The following ESR1 variants were observed in gnomAD, a reference collection of about 807,000 sequenced individuals.
ESR1 encodes estrogen receptor 1.
Under a neutral mutation model 52.7 loss-of-function variants are expected in ESR1, and 12 were observed. The ratio of observed to expected loss-of-function variants is 0.23; its 90% confidence interval spans 0.15 to 0.37. The LOEUF is 0.37. ESR1 is among the 10% of genes least tolerant of loss of function. The pLI is 1.00. For synonymous variants in ESR1, 305 were observed against 316.8 expected (o/e 0.96, Z 0.39); for missense variants, 584 against 779.7 (o/e 0.75, Z 2.99).
chr6:151,729,839 G>C lies in ESR1; in HGVS notation c.-71+27834G>C, dbSNP rs575192411. On this transcript the variant is annotated intron_variant, in intron 2 of 2. Transcript: ENST00000404742. ...GCAGTGGCTCACATCTGTAATCCTA[G>C]CATTTTGGGAGGCCAAGGTGGGAGG... 1.1e-4 allele frequency among the ~76,000 whole-genome samples: 16 copies of C among 152,250 alleles called. 1 individual carries two copies. The highest frequency in any genetic ancestry group is 3.6e-4 in the African/African-American group (15 of 41,536).
chr6:151,846,573 C>G (rs989510283), intron 2 of ESR1, among the ~76,000 whole-genome samples: 1 of 152,174 alleles, frequency 6.6e-6, no homozygotes, highest in African/African-American at 2.4e-5. Flanking sequence ...AAGAAGAGAG[C>G]TAGAAATGAG....
chr6:151,823,928 A>G (rs998801489), intron 1 of ESR1, among the ~76,000 whole-genome samples: 23 of 152,328 alleles, frequency 1.5e-4, no homozygotes, highest in African/African-American at 4.6e-4. Context: ...GCCACAATAA[A>G]CATACATGTG....
chr6:151,835,466 C>T (rs1338682550), intron 1 of ESR1, among the ~76,000 whole-genome samples: 3 of 152,096 alleles, frequency 2.0e-5, no homozygotes, highest in Non-Finnish European at 4.4e-5. Flanking sequence ...GCAAAGGGAA[C>T]GGAAGTGGAG....
chr6:151,758,771 A>T (rs573078636), intron 2 of ESR1, among the ~76,000 whole-genome samples: 1 of 151,410 alleles, frequency 6.6e-6, no homozygotes, highest in South Asian at 2.1e-4. Context: ...TAAAAAAAAA[A>T]AAAAAAGAAG....
downstream of ESR1, among the ~76,000 whole-genome samples, chr6:152,106,906 C>T (rs938383517): frequency 3.9e-5 from 6 of 152,158 alleles, no homozygotes; most frequent in Non-Finnish European, 8.8e-5. Flanking sequence ...ATGCCCTGCC[C>T]AGCACTTTGT....
rs1263103409 is a variant in ESR1, at chr6:152,022,920, T to C, written c.1235+11126T>C. 2.0e-5 allele frequency among the ~76,000 whole-genome samples: 3 copies of C among 150,392 alleles called. No individual in the cohort carries two copies. In the East Asian group the frequency reaches 5.9e-4, roughly 29 times the overall value. ...TGAACCTGGGAGGCAGAGGTTGCAG[T>C]GAGCCAAGTTCTCACCATTGCACTC... On this transcript the variant is annotated intron_variant, in intron 5 of 7. Transcript: ENST00000206249.
chr6:152,129,281 T>TCCCCCTTCTCGTCACTATC (rs1196613753), exon 7 of ESR1: 4 of 152,146 alleles, frequency 2.6e-5, no homozygotes, highest in African/African-American at 4.8e-5. Flanking sequence ...ATAAGCGCTT[T>TCCCCCTTCTCGTCACTATC]CCCCCTTCTC....
In ESR1 at chr6:152,103,052, G is replaced by A. The variant is rs1331553997; in HGVS notation, c.*4086G>A. The A allele has an allele frequency of 4.7e-6, 1 of 212,100 alleles. No homozygotes were observed. The highest frequency in any genetic ancestry group is 9.4e-6 in the Non-Finnish European group (1 of 106,638). 13.1% of individuals were successfully genotyped at this position (212,100 alleles called of 1,614,324 possible). On this transcript the variant is annotated 3_prime_UTR_variant, in exon 8 of 8. Coordinates refer to ENST00000206249, the MANE Select transcript of ESR1 (RefSeq NM_000125.4). ...CTTCAGTGTAGAGCTCTTGTTTTAT[G>A]GGAAAAGGCTCAAATGCCAAATTGT...
chr6:151,724,978 C>T (rs1198141007), intron 2 of ESR1, among the ~76,000 whole-genome samples: 2 of 152,064 alleles, frequency 1.3e-5, no homozygotes, highest in Non-Finnish European at 2.9e-5. Context: ...GGTATTTTAT[C>T]CTGTATTGTC....
chr6:151,903,510 T>G (rs1053888490), intron 3 of ESR1, among the ~76,000 whole-genome samples: 9 of 150,718 alleles, frequency 6.0e-5, no homozygotes, highest in Non-Finnish European at 1.2e-4. Flanking sequence ...GTTCTGATCT[T>G]GGGCATGCCA....
At chr6:152,106,515 C>T (rs999868924), downstream of ESR1, among the ~76,000 whole-genome samples, 6 of 152,214 alleles carry the variant, frequency 3.9e-5, no homozygotes, top group South Asian at 2.1e-4. Context: ...TTTTGAAGCG[C>T]GGTTTGTAGT....
downstream of ESR1, among the ~76,000 whole-genome samples, chr6:152,108,051 TG>T (rs1231454041): frequency 6.6e-6 from 1 of 152,210 alleles, no homozygotes; most frequent in Non-Finnish European, 1.5e-5. Context: ...CTCAATTTTT[TG>T]CTGGGCCCCT....
intron 3 of ESR1, among the ~76,000 whole-genome samples, chr6:151,897,777 C>T (rs1584038949): frequency 6.6e-6 from 1 of 152,050 alleles, no homozygotes; most frequent in East Asian, 1.9e-4. Flanking sequence ...TTGTTTTATA[C>T]CTCCAATGAG....
intron 7 of ESR1, among the ~76,000 whole-genome samples, chr6:152,097,747 TC>T (rs1297593851): frequency 6.6e-6 from 1 of 151,862 alleles, no homozygotes; most frequent in Non-Finnish European, 1.5e-5. Flanking sequence ...GCTGCCCATT[TC>T]CCCCCTTGTT....
chr6:151,975,783 G>A (rs990797157), intron 4 of ESR1, among the ~76,000 whole-genome samples: 4 of 152,154 alleles, frequency 2.6e-5, no homozygotes, highest in Non-Finnish European at 4.4e-5. Flanking sequence ...TGGGCACCAC[G>A]GTCAAGCCAA....
intron 7 of ESR1, chr6:152,096,564 G>T: frequency 2.2e-6 from 1 of 448,754 alleles, no homozygotes; most frequent in South Asian, 1.6e-5. Context: ...ATGAGGGAAT[G>T]AATGGATGAA....
chr6:151,656,738 A>G (rs1777468843), exon 1 of ESR1: 1 of 152,206 alleles, frequency 6.6e-6, no homozygotes, highest in African/African-American at 2.4e-5. Context: ...TTGATTGTGA[A>G]TTATATTCTG....
intron 3 of ESR1, among the ~76,000 whole-genome samples, chr6:151,904,520 T>A (rs1325359168): frequency 6.6e-6 from 1 of 152,216 alleles, no homozygotes; most frequent in Middle Eastern, 3.2e-3. Flanking sequence ...GGATTCCCTA[T>A]AAATTATTAG....
intron 6 of ESR1, among the ~76,000 whole-genome samples, chr6:152,079,930 C>T (rs1158382164): frequency 1.3e-5 from 2 of 152,062 alleles, no homozygotes; most frequent in Non-Finnish European, 2.9e-5. Flanking sequence ...AGTGAGAAGA[C>T]AAGATGAGAG....
Sources: gnomAD v4.1 joint callset for allele counts (sites outside exome capture counted in the v4.1 genomes callset) on GRCh38, gnomAD v4.1.1 for gene constraint, MANE v1.5 for transcripts, NCBI Gene and HGNC (gene_info 2026-07-23, HGNC 2026-07-21) for gene names.